TDRD9: variants seen among roughly 807,000 people sequenced by gnomAD.
TDRD9 encodes the protein tudor domain containing 9.
A neutral mutation model predicts 172.6 loss-of-function variants in TDRD9; 124 were observed. That is an observed-to-expected ratio of 0.72 (90% CI 0.62 to 0.83). TDRD9 has a LOEUF of 0.83. Among genes scored for constraint, TDRD9 ranks in the 40% least tolerant of loss-of-function variants. The pLI is 0.00. For missense variants in TDRD9, 1,479 were observed against 1,714.1 expected, an observed-to-expected ratio of 0.86 and a Z score of 2.42; for synonymous variants, 619 against 617.1, an observed-to-expected ratio of 1.00 and a Z score of -0.05.
intron 1 of TDRD9, among the ~76,000 whole-genome samples, chr14:103,943,904 C>T (rs1005025763): frequency 3.9e-5 from 6 of 152,118 alleles, no homozygotes; most frequent in Admixed American, 6.5e-5. Context: ...TAGAAAAAGC[C>T]AGATGTCAGG....
chr14:103,941,432 TTG>T (rs1566726200), intron 1 of TDRD9: 1 of 1,535,352 alleles, frequency 6.5e-7, no homozygotes, highest in Admixed American at 2.0e-5. Flanking sequence ...AAGGTTGAAC[TTG>T]TGAGCAAAGA....
chr14:104,024,904 A>C (rs1347073300), intron 25 of TDRD9, among the ~76,000 whole-genome samples: 1 of 152,222 alleles, frequency 6.6e-6, no homozygotes, highest in African/African-American at 2.4e-5. Flanking sequence ...TCTAGAATCA[A>C]AGTTAATTTT....
chr14:104,035,061 G>A lies in TDRD9; in HGVS notation c.3716+5G>A, dbSNP rs2035410189. The A allele has an allele frequency of 6.5e-7, 1 of 1,550,218 alleles. No individual in the cohort carries two copies. The highest frequency in any genetic ancestry group is 8.7e-7 in the Non-Finnish European group (1 of 1,145,918). On this transcript the variant is annotated splice_donor_5th_base_variant and intron_variant, in intron 32 of 35. Coordinates refer to ENST00000409874, the MANE Select transcript of TDRD9 (RefSeq NM_153046.3). ...CGCACCGGTGATAGAGTTAAGGTACGGGCATCCCTCTTGTCTATAGGCTTT... is the reference window on the plus strand; with the variant it reads ...CGCACCGGTGATAGAGTTAAGGTACAGGCATCCCTCTTGTCTATAGGCTTT...
intron 1 of TDRD9, among the ~76,000 whole-genome samples, chr14:103,933,743 T>TA (rs1255112143): frequency 3.9e-5 from 6 of 152,104 alleles, no homozygotes; most frequent in African/African-American, 1.4e-4. Context: ...ACTTGTCTCT[T>TA]ACTGAAGTTG....
rs1424227343 is a variant in TDRD9 at position 103,947,419 on chromosome 14, C to T, written c.216-8245C>T. On this transcript the variant is annotated intron_variant, in intron 1 of 35. Coordinates refer to ENST00000409874, the MANE Select transcript of TDRD9 (RefSeq NM_153046.3). ...TTCTACTCACTGCAAGCTCTGTCCC[C>T]CAGGTTCATGCCATTCTCCTGCCTT... 2.0e-5 allele frequency among the ~76,000 whole-genome samples: 3 copies of T among 152,078 alleles called. No individual in the cohort carries two copies. The East Asian group carries it at 5.8e-4, about 29-fold the overall frequency.
intron 1 of TDRD9, among the ~76,000 whole-genome samples, chr14:103,936,968 T>G (rs989546588): frequency 6.6e-6 from 1 of 152,170 alleles, no homozygotes; most frequent in African/African-American, 2.4e-5. Flanking sequence ...GGTGCCTGCC[T>G]GTAGTCCCAG....
intron 20 of TDRD9, among the ~76,000 whole-genome samples, chr14:104,012,243 A>G (rs1249546314): frequency 1.3e-5 from 2 of 152,240 alleles, no homozygotes; most frequent in East Asian, 3.8e-4. Context: ...CCAAGGCCCC[A>G]GGTCAGCATG....
intron 31 of TDRD9, 56 bp from the exon 32 acceptor site, chr14:104,034,904 G>A (rs748686547): frequency 1.1e-4 from 155 of 1,404,066 alleles, no homozygotes; most frequent in Non-Finnish European, 1.5e-4. Flanking sequence ...GGGAGGGAAC[G>A]CTGCCCTGAG....
intron 1 of TDRD9, among the ~76,000 whole-genome samples, chr14:103,933,529 C>T (rs1052290782): frequency 2.0e-5 from 3 of 151,970 alleles, no homozygotes; most frequent in Non-Finnish European, 4.4e-5. Context: ...CTTCTAGTTC[C>T]CTAATTTATT....
intron 32 of TDRD9, among the ~76,000 whole-genome samples, chr14:104,037,939 C>T (rs1440249557): frequency 6.6e-6 from 1 of 152,304 alleles, no homozygotes; most frequent in South Asian, 2.1e-4. Context: ...CATTGTGTAC[C>T]TTGTGGAGCC....
Position 103,994,581 on chromosome 14 carries a change from G to T in TDRD9, c.1298G>T (p.Ser433Ile). 3.1e-6 allele frequency: 5 copies of T among 1,613,632 alleles called. No individual in the cohort carries two copies. In the South Asian group the frequency reaches 5.5e-5, roughly 18 times the overall value. The stretch of plus-strand genomic sequence containing the variant: ...GAAGAACAGAATAATGTCTTTTTAA[G>T]TCCAGTCCCTGGGTACAGAAAGGTA... The part of the protein sequence containing the change: ...ALEEQNNVFL[S>I]PVPGYRKIIL... Residue 433 changes from serine to isoleucine, a missense_variant, in exon 11 of 36, where the codon AGT becomes ATT. Transcript: ENST00000409874.
At chr14:103,999,675 TTTCAA>T (rs2034191958) in intron 13 of TDRD9, among the ~76,000 whole-genome samples, 1 of 113,506 alleles carries the variant, frequency 8.8e-6, no homozygotes, top group Non-Finnish European at 1.9e-5. Context: ...TAAAAGACCA[TTTCAA>T]GAATACTAAA....
At chr14:103,956,660 ACTT>A (rs34418945) in intron 2 of TDRD9, among the ~76,000 whole-genome samples, 3,337 of 122,626 alleles carry the variant, frequency 0.027, 137 homozygotes, top group Admixed American at 0.15. Flanking sequence ...AATTAAAACT[ACTT>A]TTTTTTTTTT....
At chr14:104,030,310 C>T (rs538283916) in intron 28 of TDRD9, among the ~76,000 whole-genome samples, 25 of 152,228 alleles carry the variant, frequency 1.6e-4, no homozygotes, top group African/African-American at 4.8e-4. Context: ...CTGACCAACA[C>T]GGTGAAATCC....
At chr14:104,000,070 G>A (rs1229289195) in intron 13 of TDRD9, among the ~76,000 whole-genome samples, 2 of 152,278 alleles carry the variant, frequency 1.3e-5, no homozygotes, top group East Asian at 1.9e-4. Flanking sequence ...ACTTACACCT[G>A]TAATCCCAGC....
At position 104,041,398 on chromosome 14, in the gene TDRD9, C is replaced by CT. The variant is rs1185159649; in HGVS notation, c.3856-667dup. ...CGTTTGAATTTATCAAAATTAAAAACTTTTGTTCCGCAAAAGACCCTCTTC... is the reference window on the plus strand; with the variant it reads ...CGTTTGAATTTATCAAAATTAAAAACTTTTTGTTCCGCAAAAGACCCTCTTC... On this transcript the variant is annotated intron_variant, in intron 33 of 35. Coordinates refer to ENST00000409874, the MANE Select transcript of TDRD9 (RefSeq NM_153046.3). 2.6e-5 allele frequency among the ~76,000 whole-genome samples: 4 copies of CT among 152,252 alleles called. No homozygotes were observed. In the South Asian group the frequency reaches 8.3e-4, roughly 32 times the overall value.
intron 35 of TDRD9, 44 bp from the exon 36 acceptor site, chr14:104,051,937 G>A (rs2140947346): frequency 7.6e-7 from 1 of 1,318,920 alleles, no homozygotes; most frequent in Non-Finnish European, 1.1e-6. Flanking sequence ...GTCTGGAAAA[G>A]CCCTGTCACA....
intron 13 of TDRD9, 110 bp from the exon 14 acceptor site, chr14:104,004,128 A>C: frequency 3.9e-6 from 2 of 510,730 alleles, no homozygotes; most frequent in Non-Finnish European, 7.3e-6. Context: ...CTGGTGGAAG[A>C]TACTTAAGGC....
chr14:103,964,938 G>T (rs968315949), intron 3 of TDRD9, among the ~76,000 whole-genome samples: 3 of 152,170 alleles, frequency 2.0e-5, no homozygotes, highest in African/African-American at 7.2e-5. Flanking sequence ...TAAGCAATTT[G>T]GGAAATTGCT....
Sources: gnomAD v4.1 joint callset for allele counts (sites outside exome capture counted in the v4.1 genomes callset) on GRCh38, gnomAD v4.1.1 for gene constraint, MANE v1.5 for transcripts, NCBI Gene and HGNC (gene_info 2026-07-23, HGNC 2026-07-21) for gene names.